MIA2: variants seen among roughly 807,000 people sequenced by gnomAD.
The protein encoded by MIA2 is melanoma inhibitory activity protein 2.
MIA2 carries 127 observed loss-of-function variants against 167.8 expected under a neutral mutation model. The observed-to-expected ratio is 0.76, with a 90% CI of 0.66 to 0.88. The LOEUF (loss-of-function observed/expected upper bound fraction) is 0.88, where lower values mean the gene tolerates loss of function less well. Ranked by LOEUF, MIA2 falls within the 40% of genes least tolerant of loss-of-function variation. The pLI is 0.00. For missense variants in MIA2, 1,690 were observed against 1,624.7 expected, an observed-to-expected ratio of 1.04 and a Z score of -0.69; for synonymous variants, 552 against 541.9, an observed-to-expected ratio of 1.02 and a Z score of -0.26.
Position 39,247,582 on chromosome 14 carries a change from A to G in MIA2, c.1008A>G (p.Pro336=). The G allele has an allele frequency of 6.2e-7, 1 of 1,614,046 alleles. No homozygotes were observed. The highest frequency in any genetic ancestry group is 1.1e-5 in the South Asian group (1 of 91,072). ...GLELIAEESN[P]PLQDFPNSIS... is the part of the protein sequence containing the mutation. ...AATTAATAGCTGAAGAAAGCAATCC[A>G]CCACTACAAGATTTTCCCAATTCCA... The change falls in exon 4 of 29, where the codon CCA becomes CCG. Residue 336 remains proline (P), a synonymous_variant. Transcript: ENST00000640607.
At chr14:39,257,275 C>T (rs528821139) in intron 6 of MIA2, among the ~76,000 whole-genome samples, 17 of 152,108 alleles carry the variant, frequency 1.1e-4, no homozygotes, top group Admixed American at 2.6e-4. Flanking sequence ...GCTCCTGTAT[C>T]GGGTGCATAT....
chr14:39,386,183 C>G, intron 23 of MIA2: 6 of 1,394,184 alleles, frequency 4.3e-6, no homozygotes, highest in Non-Finnish European at 6.1e-6. Flanking sequence ...CTTGCCCTTG[C>G]TGGGGGTAAG....
chr14:39,347,158 G>C (rs1208044370), intron 26 of MIA2, among the ~76,000 whole-genome samples: 2 of 152,090 alleles, frequency 1.3e-5, no homozygotes, highest in Non-Finnish European at 2.9e-5. Flanking sequence ...AGTGAGGGAG[G>C]AAACTCAGTG....
At chr14:39,271,221 G>GT (rs1008839244) in intron 6 of MIA2, among the ~76,000 whole-genome samples, 1 of 151,998 alleles carries the variant, frequency 6.6e-6, no homozygotes, top group Non-Finnish European at 1.5e-5. Context: ...TGAAAGAACT[G>GT]TTTTTTTCTC....
chr14:39,281,850 A>C (rs2058998925), intron 9 of MIA2, among the ~76,000 whole-genome samples: 1 of 151,836 alleles, frequency 6.6e-6, no homozygotes, highest in Non-Finnish European at 1.5e-5. Context: ...CAAACTCCTG[A>C]GCTCAGGCAA....
At chr14:39,368,583 T>G (rs1412360034) in intron 23 of MIA2, among the ~76,000 whole-genome samples, 2 of 152,130 alleles carry the variant, frequency 1.3e-5, no homozygotes, top group Non-Finnish European at 2.9e-5. Flanking sequence ...TGAAGACTCA[T>G]TTTCTGAAAT....
intron 18 of MIA2, among the ~76,000 whole-genome samples, chr14:39,312,080 T>C (rs2064412356): frequency 6.6e-6 from 1 of 151,662 alleles, no homozygotes; most frequent in African/African-American, 2.4e-5. Context: ...TGCCCACCTC[T>C]GCCTCCCAAA....
chr14:39,267,011 C>A (rs2055843258), intron 6 of MIA2: 1 of 938,706 alleles, frequency 1.1e-6, no homozygotes, highest in Non-Finnish European at 1.3e-6. Context: ...CCAAGCCTCT[C>A]CACTACCAGG....
chr14:39,386,708 A>G (rs938150183), intron 23 of MIA2: 30 of 1,285,730 alleles, frequency 2.3e-5, no homozygotes, highest in East Asian at 6.9e-5. Flanking sequence ...GCCTCTTCCA[A>G]TGCTTCTTTG....
chr14:39,249,489 T>A (rs2054463462), intron 4 of MIA2, among the ~76,000 whole-genome samples: 1 of 151,620 alleles, frequency 6.6e-6, no homozygotes, highest in African/African-American at 2.4e-5. Flanking sequence ...CGTGCCCAGC[T>A]GATAACAAGG....
chr14:39,311,140 T>C (rs924301979), intron 18 of MIA2, among the ~76,000 whole-genome samples: 4 of 152,190 alleles, frequency 2.6e-5, no homozygotes, highest in Admixed American at 2.0e-4. Flanking sequence ...AGTAGTACCC[T>C]AGTTGTGTGT....
intron 9 of MIA2, among the ~76,000 whole-genome samples, chr14:39,280,450 C>T (rs1049550860): frequency 2.0e-5 from 3 of 151,710 alleles, no homozygotes; most frequent in Non-Finnish European, 2.9e-5. Flanking sequence ...GATAAGAAAC[C>T]GGCTGGGCAC....
intron 23 of MIA2, among the ~76,000 whole-genome samples, chr14:39,381,913 T>C (rs989052156): frequency 6.6e-6 from 1 of 152,180 alleles, no homozygotes; most frequent in Admixed American, 6.5e-5. Context: ...GAGCTCTTAA[T>C]GGTAAGGAGA....
downstream of MIA2, among the ~76,000 whole-genome samples, chr14:39,352,356 C>T (rs893886158): frequency 4.0e-5 from 6 of 151,882 alleles, no homozygotes; most frequent in Non-Finnish European, 8.8e-5. Flanking sequence ...GTTTTTATTT[C>T]TTTATTCTAT....
At chr14:39,363,361 C>T (rs1389345804) in intron 23 of MIA2, among the ~76,000 whole-genome samples, 4 of 152,128 alleles carry the variant, frequency 2.6e-5, no homozygotes, top group Non-Finnish European at 2.9e-5. Context: ...AAAATCCTGT[C>T]TCTACAAAAA....
chr14:39,297,026 C>T (rs1273934630), intron 13 of MIA2, among the ~76,000 whole-genome samples: 1 of 151,900 alleles, frequency 6.6e-6, no homozygotes, highest in East Asian at 1.9e-4. Context: ...ATCCACTCAC[C>T]TCGGCCTCCC....
intron 23 of MIA2, among the ~76,000 whole-genome samples, chr14:39,383,901 C>T (rs1381872291): frequency 6.6e-6 from 1 of 152,160 alleles, no homozygotes; most frequent in Non-Finnish European, 1.5e-5. Flanking sequence ...GAGGTTGGTT[C>T]ATGAGGTTTA....
chr14:39,297,055 G>A (rs958481150), intron 13 of MIA2, among the ~76,000 whole-genome samples: 4 of 151,662 alleles, frequency 2.6e-5, no homozygotes, highest in Non-Finnish European at 5.9e-5. Flanking sequence ...GAGATTACAA[G>A]CGCGAGCCAC....
intron 6 of MIA2, 83 bp downstream of exon 6, chr14:39,253,254 A>G (rs1566602411): frequency 1.3e-6 from 2 of 1,529,092 alleles, no homozygotes; most frequent in Non-Finnish European, 9.0e-7. Context: ...GTTTGAATGA[A>G]TCCTCCCTGT....
Sources: allele counts gnomAD v4.1 joint callset (sites outside exome capture counted in the v4.1 genomes callset), GRCh38; gene constraint gnomAD v4.1.1; transcripts MANE v1.5; gene names NCBI Gene and HGNC (gene_info 2026-07-23, HGNC 2026-07-21).